SEC14L3: variants seen among roughly 807,000 people sequenced by gnomAD.
SEC14L3 encodes SEC14 like lipid binding 3.
In SEC14L3, 56 loss-of-function variants were observed where a neutral mutation model predicts 57.4. The observed-to-expected ratio is 0.97, with a 90% CI of 0.79 to 1.22. The LOEUF is 1.22. Among genes scored for constraint, SEC14L3 ranks in the 50% most tolerant of loss-of-function variants. The pLI is 0.00. For missense variants in SEC14L3, 485 were observed against 511.7 expected, an observed-to-expected ratio of 0.95 and a Z score of 0.50; for synonymous variants, 173 against 194.4, an observed-to-expected ratio of 0.89 and a Z score of 0.92.
chr22:30,468,808 T>A (rs750238371), intron 4 of SEC14L3, 112 bp from the exon 5 acceptor site: 1 of 1,593,458 alleles, frequency 6.3e-7, no homozygotes, highest in South Asian at 1.1e-5. Flanking sequence ...AAAAGCACTG[T>A]CCCTCCCTGG....
chr22:30,460,236 C>G (rs1935210767), intron 11 of SEC14L3, 94 bp from the exon 12 acceptor site: 1 of 1,529,400 alleles, frequency 6.5e-7, no homozygotes, highest in Admixed American at 1.9e-5. Context: ...TGTGTTCCCA[C>G]TGGCTTTGTT....
In SEC14L3 at chr22:30,470,051, T is replaced by A. The variant is rs1935552728; in HGVS notation, c.202A>T (p.Ile68Phe). The A allele has an allele frequency of 6.3e-7, 1 of 1,591,878 alleles. No homozygotes were observed. The highest frequency in any genetic ancestry group is 1.3e-5 in the African/African-American group (1 of 74,278). ...GGCTGCCAATCAAGGATATGGTCAA[T>A]ATCCATGGTCTTCCGGAACTCCATG... ...KYMEFRKTMD[I>F]DHILDWQPPE... Residue 68 changes from isoleucine (I) to phenylalanine (F), a missense_variant, in exon 4 of 12, where the codon ATT (isoleucine) becomes TTT (phenylalanine). Ile to Phe is a conservative substitution (Grantham distance 21). Transcript: ENST00000215812.
intron 11 of SEC14L3, 188 bp from the exon 12 acceptor site, chr22:30,460,330 C>T: frequency 3.2e-6 from 3 of 942,048 alleles, no homozygotes; most frequent in Non-Finnish European, 2.5e-6. Context: ...AAACAGACAC[C>T]AACCTCCTCT....
intron 1 of SEC14L3, chr22:30,471,304 G>A (rs1339211861): frequency 3.3e-5 from 15 of 455,716 alleles, no homozygotes; most frequent in Non-Finnish European, 5.7e-5. Context: ...AAAAGAAGAA[G>A]AAAGGATAAA....
In SEC14L3 at chr22:30,459,333, T is replaced by C. The variant is rs1601814102; in HGVS notation, c.*688A>G. The C allele has an allele frequency of 1.0e-6, 1 of 985,310 alleles. No individual in the cohort carries two copies. The highest frequency in any genetic ancestry group is 1.1e-4 in the East Asian group (1 of 8,804). 61.0% of individuals were successfully genotyped at this position (985,310 alleles called of 1,614,324 possible). A position where few individuals can be genotyped will look rare whatever the true frequency, so the allele number is the denominator to read the frequency against. On this transcript the variant is annotated 3_prime_UTR_variant, in exon 12 of 12. Coordinates refer to ENST00000215812, the MANE Select transcript of SEC14L3 (RefSeq NM_174975.5). ...GTGCAACAAGGGAAGTGGGTTAGGGTGGGAAGCTGAGCGTGCAAGTCAGAC... is the reference window on the plus strand; with the variant it reads ...GTGCAACAAGGGAAGTGGGTTAGGGCGGGAAGCTGAGCGTGCAAGTCAGAC...
rs560952177 is a variant in SEC14L3, at chr22:30,463,520, T to A, written c.664+1300A>T. Among the ~76,000 whole-genome samples, 6 of 152,300 alleles carry A rather than the reference T, an allele frequency of 3.9e-5. 1 individual carries two copies. Among genetic ancestry groups the A allele is most frequent in the African/African-American group, 1.4e-4 (6 of 41,554 alleles). ...ACACTGCTCTAGGCTTTGGAAGGCG[T>A]AGAAGGCATGAGCCTGGACCCTTCA... On this transcript the variant is annotated intron_variant, in intron 8 of 11. Coordinates refer to ENST00000215812, the MANE Select transcript of SEC14L3 (RefSeq NM_174975.5).
At chr22:30,452,127 G>A (rs1441787377) in intron 12 of SEC14L3, among the ~76,000 whole-genome samples, 1 of 151,672 alleles carries the variant, frequency 6.6e-6, no homozygotes, top group African/African-American at 2.4e-5. Context: ...TGGTGACGTT[G>A]TAGCCTGAAT....
intron 6 of SEC14L3, 56 bp downstream of exon 6, chr22:30,466,926 G>A: frequency 6.5e-7 from 1 of 1,537,886 alleles, no homozygotes; most frequent in Non-Finnish European, 8.9e-7. Context: ...CTGGGTCATG[G>A]CAGGCCAAGC....
chr22:30,466,876 C>T, intron 6 of SEC14L3, 106 bp downstream of exon 6: 2 of 1,070,248 alleles, frequency 1.9e-6, no homozygotes, highest in Non-Finnish European at 2.7e-6. Flanking sequence ...TGAGGGAGCC[C>T]AGGACATTTT....
Position 30,461,536 on chromosome 22 carries a change from G to A in SEC14L3, c.911+19C>T, listed in dbSNP as rs760399782. On this transcript the variant is annotated intron_variant, in intron 10 of 11. Coordinates refer to ENST00000215812, the MANE Select transcript of SEC14L3 (RefSeq NM_174975.5). ...TGCTCAGCCTGATGGGTCTCTGAGG[G>A]GTTAGGGCCTGCCCCTACCTGAGAA... 1 of 1,614,102 alleles carries A rather than the reference G, an allele frequency of 6.2e-7. No homozygotes were observed. The highest frequency in any genetic ancestry group is 2.2e-5 in the East Asian group (1 of 44,864).
At chr22:30,461,062 T>G (rs1020710504) in intron 11 of SEC14L3, among the ~76,000 whole-genome samples, 25 of 152,146 alleles carry the variant, frequency 1.6e-4, no homozygotes, top group Admixed American at 1.4e-3. Context: ...GCCCTATCAC[T>G]TGTTGTCTGT....
In SEC14L3 at chr22:30,470,531, A is replaced by C. The variant is rs758851702; in HGVS notation, c.106T>G (p.Tyr36Asp). The C allele has an allele frequency of 8.1e-6, 13 of 1,614,044 alleles. No homozygotes were observed. The East Asian group carries it at 2.7e-4, about 33-fold the overall frequency. Residue 36 changes from tyrosine to aspartate, a missense_variant, in exon 2 of 12, where the codon TAT (tyrosine) becomes GAT (aspartate). Coordinates refer to ENST00000215812, the MANE Select transcript of SEC14L3 (RefSeq NM_174975.5). ...VLPALPNPDD[Y>D]FLLRWLRARN... ...CCTCGGAGCCAGCGTAGAAGGAAAT[A>C]ATCATCAGGGTTGGGCAGGGCAGGA... is the stretch of plus-strand genomic sequence containing the variant.
chr22:30,458,172 T>C (rs1439559257), downstream of SEC14L3, among the ~76,000 whole-genome samples: 1 of 152,164 alleles, frequency 6.6e-6, no homozygotes, highest in African/African-American at 2.4e-5. Context: ...AAGAGTTGTG[T>C]CAGGGACTGG....
Position 30,466,970 on chromosome 22 carries a change from ACTT to A in SEC14L3, c.519+9_519+11del, listed in dbSNP as rs1390453216. On this transcript the variant is annotated intron_variant, in intron 6 of 11. Transcript: ENST00000215812. ...AAAGCAAGCGGGGGGTGGCCCTAGG[ACTT>A]CTCCTTACCTCCTGGTACACTTCTA... 2 of 1,612,082 alleles carry A rather than the reference ACTT, an allele frequency of 1.2e-6. No homozygotes were observed. Among genetic ancestry groups the A allele is most frequent in the African/African-American group, 2.7e-5 (2 of 74,858 alleles).
intron 12 of SEC14L3, among the ~76,000 whole-genome samples, chr22:30,450,206 C>G (rs754133156): frequency 1.3e-5 from 2 of 152,128 alleles, no homozygotes; most frequent in African/African-American, 2.4e-5. Context: ...CAGGACGAGC[C>G]CTCTCACCCA....
Position 30,468,764 on chromosome 22 carries a change from C to G in SEC14L3, c.235-68G>C, listed in dbSNP as rs546742279. The stretch of plus-strand genomic sequence containing the variant: ...CCTTGAGACCCCAGACCAGGCTGAC[C>G]TGGGTGGCCCAAGCCTACACACACC... On this transcript the variant is annotated intron_variant, in intron 4 of 11. Transcript: ENST00000215812. 69 of 1,613,402 alleles carry G rather than the reference C, an allele frequency of 4.3e-5. No homozygotes were observed. In the South Asian group the frequency reaches 6.9e-4, roughly 16 times the overall value.
intron 11 of SEC14L3, 21 bp from the exon 12 acceptor site, chr22:30,460,163 G>C (rs374115729): frequency 6.2e-7 from 1 of 1,612,680 alleles, no homozygotes; most frequent in Non-Finnish European, 8.5e-7. Context: ...GATGGAAAGA[G>C]GGGCATTGGG....
downstream of SEC14L3, among the ~76,000 whole-genome samples, chr22:30,458,863 A>G (rs970267711): frequency 6.6e-6 from 1 of 152,032 alleles, no homozygotes; most frequent in Non-Finnish European, 1.5e-5. Context: ...AAATTAGCCA[A>G]GTGTGGTGAT....
At chr22:30,453,569 C>A (rs1365263863) in intron 12 of SEC14L3, among the ~76,000 whole-genome samples, 1 of 152,168 alleles carries the variant, frequency 6.6e-6, no homozygotes, top group African/African-American at 2.4e-5. Context: ...TGCACCACCA[C>A]GCCCAGCTAA....
Sources: gnomAD v4.1 joint callset for allele counts (sites outside exome capture counted in the v4.1 genomes callset) on GRCh38, gnomAD v4.1.1 for gene constraint, MANE v1.5 for transcripts, NCBI Gene and HGNC (gene_info 2026-07-23, HGNC 2026-07-21) for gene names.